The following NEO1 variants were observed in gnomAD, a reference collection of about 807,000 sequenced individuals.
NEO1 encodes the protein neogenin 1, also known as neogenin.
A neutral mutation model predicts 159.7 loss-of-function variants in NEO1; 63 were observed. That is an observed-to-expected ratio of 0.39 (90% CI 0.32 to 0.49). The LOEUF (loss-of-function observed/expected upper bound fraction) is 0.49, where lower values mean the gene tolerates loss of function less well. Ranked by LOEUF, NEO1 falls within the 20% of genes least tolerant of loss-of-function variation. The pLI, the probability that NEO1 is intolerant of heterozygous loss-of-function variation, is 0.85. For missense variants in NEO1, 1,615 were observed against 1,831.0 expected, an observed-to-expected ratio of 0.88 and a Z score of 2.15; for synonymous variants, 633 against 662.0, an observed-to-expected ratio of 0.96 and a Z score of 0.67.
intron 15 of NEO1, among the ~76,000 whole-genome samples, chr15:73,265,666 A>G (rs1240441666): frequency 6.6e-6 from 1 of 152,058 alleles, no homozygotes; most frequent in African/African-American, 2.4e-5. Context: ...AGTCTTACTG[A>G]TTCCATTTGT....
At chr15:73,090,781 A>C (rs183058822) in intron 1 of NEO1, among the ~76,000 whole-genome samples, 7 of 152,312 alleles carry the variant, frequency 4.6e-5, no homozygotes, top group African/African-American at 1.7e-4. Context: ...TATGTACATA[A>C]TTCTTACATC....
chr15:73,299,417 G>A (rs1462832826), intron 27 of NEO1, among the ~76,000 whole-genome samples: 1 of 149,278 alleles, frequency 6.7e-6, no homozygotes, highest in African/African-American at 2.5e-5. Flanking sequence ...ATGGAGTCTC[G>A]CTCTGTCACC....
At chr15:73,066,991 C>G (rs1173342249) in intron 1 of NEO1, among the ~76,000 whole-genome samples, 1 of 152,144 alleles carries the variant, frequency 6.6e-6, no homozygotes, top group Non-Finnish European at 1.5e-5. Context: ...TTTAGTTATT[C>G]TCAGCGGGAG....
chr15:73,066,516 A>C (rs34427117), intron 1 of NEO1, among the ~76,000 whole-genome samples: 13,180 of 151,934 alleles, frequency 0.087, 663 homozygotes, highest in South Asian at 0.11. Flanking sequence ...GTTGTGTATG[A>C]AAAATTATCG....
intron 7 of NEO1, among the ~76,000 whole-genome samples, chr15:73,231,870 C>T (rs2038929182): frequency 1.3e-5 from 2 of 152,164 alleles, no homozygotes; most frequent in Admixed American, 6.5e-5. Context: ...GTACCATCTG[C>T]CAGCACCCAT....
intron 7 of NEO1, among the ~76,000 whole-genome samples, chr15:73,215,870 T>C (rs2037849000): frequency 6.6e-6 from 1 of 152,198 alleles, no homozygotes; most frequent in Admixed American, 6.5e-5. Flanking sequence ...CCAATTCTTC[T>C]TTGAATGTCT....
chr15:73,165,217 G>A (rs186464271), intron 5 of NEO1, among the ~76,000 whole-genome samples: 5 of 150,988 alleles, frequency 3.3e-5, no homozygotes, highest in Admixed American at 6.7e-5. Flanking sequence ...ATAGAAAAAT[G>A]TTTGGAGAGT....
At chr15:73,123,869 G>C (rs1596063012) in intron 3 of NEO1, among the ~76,000 whole-genome samples, 1 of 152,068 alleles carries the variant, frequency 6.6e-6, no homozygotes, top group African/African-American at 2.4e-5. Flanking sequence ...TTAATCTATG[G>C]ACTGGTTCGC....
At chr15:73,053,788 A>G (rs1327740246) in intron 1 of NEO1, among the ~76,000 whole-genome samples, 2 of 152,254 alleles carry the variant, frequency 1.3e-5, no homozygotes, top group Non-Finnish European at 2.9e-5. Flanking sequence ...GTGGTGTACC[A>G]TAAAACTTGA....
intron 1 of NEO1, among the ~76,000 whole-genome samples, chr15:73,107,990 T>C (rs1357483208): frequency 6.6e-6 from 1 of 152,152 alleles, no homozygotes; most frequent in Non-Finnish European, 1.5e-5. Flanking sequence ...GAGACCAGCC[T>C]GGGCAACATA....
intron 1 of NEO1, among the ~76,000 whole-genome samples, chr15:73,092,722 CT>C (rs1162508656): frequency 6.6e-6 from 1 of 152,052 alleles, no homozygotes; most frequent in African/African-American, 2.4e-5. Context: ...ATAATTATTG[CT>C]TTTTAATAAG....
At chr15:73,245,851 G>T (rs1485435439) in intron 9 of NEO1, among the ~76,000 whole-genome samples, 1 of 151,946 alleles carries the variant, frequency 6.6e-6, no homozygotes, top group Non-Finnish European at 1.5e-5. Context: ...AAAGTGCTGG[G>T]ATTACAAGCA....
chr15:73,232,980 T>C (rs2038989801), intron 7 of NEO1, among the ~76,000 whole-genome samples: 1 of 152,238 alleles, frequency 6.6e-6, no homozygotes, highest in Non-Finnish European at 1.5e-5. Flanking sequence ...GCTTGTTATA[T>C]GTCTTTGGTC....
chr15:73,092,363 G>A (rs927914400), intron 1 of NEO1, among the ~76,000 whole-genome samples: 5 of 152,136 alleles, frequency 3.3e-5, no homozygotes, highest in Non-Finnish European at 2.9e-5. Flanking sequence ...CTAGATACCT[G>A]TTATATAAGA....
At chr15:73,253,627 G>A (rs1156524734) in intron 12 of NEO1, among the ~76,000 whole-genome samples, 178 bp downstream of exon 12, 2 of 152,088 alleles carry the variant, frequency 1.3e-5, no homozygotes, top group African/African-American at 4.8e-5. Context: ...AAAATCACAA[G>A]CAAAGAAGTA....
At chr15:73,120,153 ATTAATTTAAT>A (rs545849053) in intron 2 of NEO1, among the ~76,000 whole-genome samples, 325 of 149,770 alleles carry the variant, frequency 2.2e-3, no homozygotes, top group Non-Finnish European at 3.7e-3. Context: ...AAATTAATTA[ATTAATTTAAT>A]TTAATTTAAT....
Position 73,249,225 on chromosome 15 carries a change from C to T in NEO1, c.1755+17C>T. On this transcript the variant is annotated intron_variant, in intron 10 of 28. Transcript: ENST00000261908. ...AAAGAACAGGTATGAAGTGAAGCAACTTTTCAAACCATTGATTGGAATAGT... is the reference window on the plus strand; with the variant it reads ...AAAGAACAGGTATGAAGTGAAGCAATTTTTCAAACCATTGATTGGAATAGT... The T allele has an allele frequency of 6.2e-7, 1 of 1,612,388 alleles. No homozygotes were observed. The highest frequency in any genetic ancestry group is 8.5e-7 in the Non-Finnish European group (1 of 1,178,868).
chr15:73,136,194 T>C (rs898183043), intron 5 of NEO1, among the ~76,000 whole-genome samples, 167 bp downstream of exon 5: 4 of 152,152 alleles, frequency 2.6e-5, no homozygotes, highest in African/African-American at 7.2e-5. Flanking sequence ...TTCCTAGATA[T>C]ATGACTATAG....
intron 21 of NEO1, 123 bp downstream of exon 21, chr15:73,274,847 C>G (rs1432253815): frequency 4.2e-5 from 38 of 905,076 alleles, no homozygotes; most frequent in Non-Finnish European, 6.1e-5. Flanking sequence ...AAAAGCCACA[C>G]AGTTATTGGC....
Sources: gnomAD v4.1 joint callset for allele counts (sites outside exome capture counted in the v4.1 genomes callset) on GRCh38, gnomAD v4.1.1 for gene constraint, MANE v1.5 for transcripts, NCBI Gene and HGNC (gene_info 2026-07-23, HGNC 2026-07-21) for gene names.